Variants in PHF24 observed in about 807,000 individuals in gnomAD.
The protein encoded by PHF24 is PHD finger protein 24.
In PHF24, 25 loss-of-function variants were observed where a neutral mutation model predicts 42.6. The observed-to-expected ratio is 0.59, with a 90% CI of 0.43 to 0.82. The LOEUF is 0.82. Ranked by LOEUF, PHF24 falls within the 40% of genes least tolerant of loss-of-function variation. PHF24 has a pLI of 0.00. For missense variants in PHF24, 470 were observed against 538.1 expected (o/e 0.87, Z 1.25); for synonymous variants, 185 against 204.8 (o/e 0.90, Z 0.83).
At chr9:34,741,573 G>T in the PHF24 span, among the ~76,000 whole-genome samples, 6 of 151,974 alleles carry the variant, frequency 3.9e-5, no homozygotes, top group East Asian at 1.2e-3. Flanking sequence ...TGTTGGTCAG[G>T]CTGGCCTCGA....
At chr9:34,946,119 TCAC>T in the PHF24 span, among the ~76,000 whole-genome samples, 3 of 152,196 alleles carry the variant, frequency 2.0e-5, no homozygotes, top group Non-Finnish European at 2.9e-5. Context: ...TTCTTTATGG[TCAC>T]CACAACACCT....
the PHF24 span, among the ~76,000 whole-genome samples, chr9:34,845,274 C>T: frequency 6.6e-6 from 1 of 152,164 alleles, no homozygotes; most frequent in Non-Finnish European, 1.5e-5. Flanking sequence ...TTTTACTCCA[C>T]TCTGCCACTT....
Position 34,958,477 on chromosome 9 carries a change from G to A in PHF24, c.-5+76G>A, listed in dbSNP as rs1345728449. On this transcript the variant is annotated intron_variant, in intron 1 of 7. Coordinates refer to ENST00000242315, the Ensembl canonical transcript of PHF24. The surrounding 1 kb of genome is among the most constrained non-coding windows in gnomAD (Gnocchi z 4.5). Reference sequence around the variant, plus strand: ...TCTGCGGCCGCGGACAGTCCTCCGGGACTCTGAGGTGCTTGTGTGGGAGCC... The same window carrying A: ...TCTGCGGCCGCGGACAGTCCTCCGGAACTCTGAGGTGCTTGTGTGGGAGCC... 2.6e-5 allele frequency: 4 copies of A among 152,050 alleles called. No homozygotes were observed. Among genetic ancestry groups the A allele is most frequent in the African/African-American group, 9.7e-5 (4 of 41,422 alleles). 9.4% of individuals were successfully genotyped at this position (152,050 alleles called of 1,614,324 possible).
chr9:34,767,140 C>T, the PHF24 span, among the ~76,000 whole-genome samples: 7 of 152,212 alleles, frequency 4.6e-5, no homozygotes, highest in East Asian at 3.8e-4. Flanking sequence ...TTAGGCTGCT[C>T]GGGGGTCAGG....
the PHF24 span, chr9:34,725,737 T>G: frequency 1.3e-6 from 2 of 1,548,398 alleles, no homozygotes; most frequent in Non-Finnish European, 1.7e-6. Flanking sequence ...GATGGTCAGA[T>G]GGAGACATCC....
the PHF24 span, among the ~76,000 whole-genome samples, chr9:34,826,463 T>C: frequency 6.6e-6 from 1 of 152,178 alleles, no homozygotes; most frequent in African/African-American, 2.4e-5. Context: ...CCCAGCCACC[T>C]CCCACATGGT....
the PHF24 span, among the ~76,000 whole-genome samples, chr9:34,854,438 T>G: frequency 3.9e-5 from 6 of 152,304 alleles, no homozygotes; most frequent in Middle Eastern, 3.4e-3. Context: ...CTCTTAACAC[T>G]GCTTTAGCTG....
chr9:34,752,019 A>T, the PHF24 span, among the ~76,000 whole-genome samples: 1 of 152,126 alleles, frequency 6.6e-6, no homozygotes, highest in African/African-American at 2.4e-5. Flanking sequence ...ATGGAAACAC[A>T]ACATACCAAA....
chr9:34,728,763 T>C, the PHF24 span: 4 of 1,019,632 alleles, frequency 3.9e-6, no homozygotes, highest in African/African-American at 1.6e-5. Context: ...TATATATCTA[T>C]CTGTATTTTA....
At chr9:34,799,943 T>C in the PHF24 span, among the ~76,000 whole-genome samples, 1 of 152,070 alleles carries the variant, frequency 6.6e-6, no homozygotes, top group East Asian at 1.9e-4. Context: ...TGTGTACACA[T>C]TGACACAGAA....
At chr9:34,757,960 A>G in the PHF24 span, among the ~76,000 whole-genome samples, 1 of 152,104 alleles carries the variant, frequency 6.6e-6, no homozygotes, top group African/African-American at 2.4e-5. Flanking sequence ...GGGGTGGTCC[A>G]TGGGCTATTT....
the PHF24 span, among the ~76,000 whole-genome samples, chr9:34,698,471 A>C: frequency 6.6e-6 from 1 of 152,212 alleles, no homozygotes; most frequent in African/African-American, 2.4e-5. Flanking sequence ...ATTATTGCAT[A>C]AAGGCTCATA....
intron 7 of PHF24, 148 bp downstream of exon 7, chr9:34,977,789 C>A: frequency 1.3e-6 from 1 of 780,378 alleles, no homozygotes; most frequent in Non-Finnish European, 2.1e-6. Context: ...TGACCCAAGT[C>A]TATAGGACCA....
the PHF24 span, among the ~76,000 whole-genome samples, chr9:34,686,861 A>T: frequency 6.6e-6 from 1 of 152,204 alleles, no homozygotes; most frequent in Admixed American, 6.5e-5. Flanking sequence ...AGAACTCTGG[A>T]TAAATGAAAA....
the PHF24 span, among the ~76,000 whole-genome samples, chr9:34,749,716 A>T: frequency 6.6e-6 from 1 of 151,496 alleles, no homozygotes; most frequent in East Asian, 1.9e-4. Flanking sequence ...TCAACCTGTT[A>T]TCTAGGTTTT....
At chr9:34,950,010 T>TA in the PHF24 span, among the ~76,000 whole-genome samples, 3 of 142,734 alleles carry the variant, frequency 2.1e-5, no homozygotes, top group Non-Finnish European at 3.1e-5. Flanking sequence ...GTACTTAGAG[T>TA]AAAAAAAAAG....
chr9:34,737,912 T>C, the PHF24 span, among the ~76,000 whole-genome samples: 1 of 152,276 alleles, frequency 6.6e-6, no homozygotes, highest in East Asian at 1.9e-4. Context: ...TAGAAGATAG[T>C]GTAAGCATTG....
chr9:34,720,370 G>A, the PHF24 span, among the ~76,000 whole-genome samples: 122 of 151,754 alleles, frequency 8.0e-4, no homozygotes, highest in African/African-American at 2.6e-3. Flanking sequence ...GCGTGAACCC[G>A]GGAAGCGGAG....
chr9:34,734,132 A>T, the PHF24 span, among the ~76,000 whole-genome samples: 1 of 152,226 alleles, frequency 6.6e-6, no homozygotes, highest in Non-Finnish European at 1.5e-5. Context: ...AGCAAGCTGA[A>T]GTTCTAGGTC....
Sources: allele counts gnomAD v4.1 joint callset (sites outside exome capture counted in the v4.1 genomes callset), GRCh38; gene constraint gnomAD v4.1.1; non-coding constraint Gnocchi (gnomAD v3.1); transcripts MANE v1.5; gene names NCBI Gene and HGNC (gene_info 2026-07-23, HGNC 2026-07-21).